IQCH: variants seen among roughly 807,000 people sequenced by gnomAD.
IQCH encodes IQ domain-containing protein H.
In IQCH, 98 loss-of-function variants were observed where a neutral mutation model predicts 117.0. That is an observed-to-expected ratio of 0.84 (90% CI 0.71 to 0.99). The LOEUF (loss-of-function observed/expected upper bound fraction) is 0.99. Ranked by LOEUF, IQCH falls within the 50% of genes least tolerant of loss-of-function variation. The pLI, the probability that IQCH is intolerant of heterozygous loss-of-function variation, is 0.00. For missense variants in IQCH, 1,102 were observed against 1,243.8 expected, an observed-to-expected ratio of 0.89 and a Z score of 1.72; for synonymous variants, 412 against 448.2, an observed-to-expected ratio of 0.92 and a Z score of 1.02.
intron 4 of IQCH, among the ~76,000 whole-genome samples, chr15:67,300,017 C>A (rs1966945163): frequency 6.6e-6 from 1 of 152,092 alleles, no homozygotes; most frequent in Admixed American, 6.6e-5. Flanking sequence ...TTAGGAATTA[C>A]AAAGTAGTGA....
chr15:67,343,744 C>T (rs1235572486), intron 5 of IQCH, among the ~76,000 whole-genome samples: 1 of 152,068 alleles, frequency 6.6e-6, no homozygotes, highest in Non-Finnish European at 1.5e-5. Context: ...AATAATATTA[C>T]CAATGATTGA....
At chr15:67,281,384 A>G (rs576622580) in intron 4 of IQCH, among the ~76,000 whole-genome samples, 4 of 152,318 alleles carry the variant, frequency 2.6e-5, no homozygotes, top group African/African-American at 9.6e-5. Flanking sequence ...CAACATCCTA[A>G]TAAGTTACAG....
At position 67,491,656 on chromosome 15, in the gene IQCH, A is replaced by C. The variant is rs754991933; in HGVS notation, c.2861+1592A>C. Among the ~76,000 whole-genome samples the C allele has an allele frequency of 1.3e-5, 2 of 152,114 alleles. No individual in the cohort carries two copies. Among genetic ancestry groups the C allele is most frequent in the Non-Finnish European group, 2.9e-5 (2 of 67,994 alleles). ...CAGAAATGAGACCTCAATCCATAAC[A>C]TCCCAACAAGCTTGCCTTCATCTTC... On this transcript the variant is annotated intron_variant, in intron 19 of 20. Transcript: ENST00000335894. This position sits in a 1 kb window ranked among gnomAD's most constrained non-coding sequence, Gnocchi z 4.9.
In IQCH at chr15:67,500,365, A is replaced by T. The variant is rs1235342490; in HGVS notation, c.2971-268A>T. ...ATTACTAGAAAAATACGATTAAAAA[A>T]ATTAAAGATGTACAATTTAGAAGCC... On this transcript the variant is annotated intron_variant, in intron 20 of 20. Transcript: ENST00000335894. This position sits in a 1 kb window ranked among gnomAD's most constrained non-coding sequence, Gnocchi z 4.4. Among the ~76,000 whole-genome samples, 1 of 152,212 alleles carries T rather than the reference A, an allele frequency of 6.6e-6. No homozygotes were observed. The highest frequency in any genetic ancestry group is 1.5e-5 in the Non-Finnish European group (1 of 68,026).
Position 67,425,222 on chromosome 15 carries a change from T to C in IQCH, c.2505+3645T>C, listed in dbSNP as rs1035633143. Among the ~76,000 whole-genome samples, 1 of 152,254 alleles carries C rather than the reference T, an allele frequency of 6.6e-6. No individual in the cohort carries two copies. The highest frequency in any genetic ancestry group is 1.5e-5 in the Non-Finnish European group (1 of 68,044). On this transcript the variant is annotated intron_variant, in intron 16 of 20. Transcript: ENST00000335894. This position sits in a 1 kb window ranked among gnomAD's most constrained non-coding sequence, Gnocchi z 5.5. ...TTTGTATATTGGAAACTGTCATTCT[T>C]TGACTATTATACATCTTGTAAATAC...
rs2083083409 is a variant in IQCH at position 67,472,046 on chromosome 15, G to A, written c.2677-3650G>A. On this transcript the variant is annotated intron_variant, in intron 17 of 20. Transcript: ENST00000335894. This position sits in a 1 kb window ranked among gnomAD's most constrained non-coding sequence, Gnocchi z 4.3. ...CTATTAAAATAGATAACATACACAT[G>A]GATAAATGCCATTTGAGTGACAGAC... 6.6e-6 allele frequency among the ~76,000 whole-genome samples: 1 copy of A among 152,200 alleles called. No homozygotes were observed.
At chr15:67,259,352 T>G (rs1965362953) in intron 1 of IQCH, among the ~76,000 whole-genome samples, 1 of 152,218 alleles carries the variant, frequency 6.6e-6, no homozygotes, top group Non-Finnish European at 1.5e-5. Flanking sequence ...TTTTCATACA[T>G]ATTACCTCAT....
rs1468687278 is a variant in IQCH, at chr15:67,490,667, G to A, written c.2861+603G>A. ...ATCTCACTGATGGGGACCCAGCTCA[G>A]TTGTCCTGCCTGTGGAAGGCAGTTG... On this transcript the variant is annotated intron_variant, in intron 19 of 20. Transcript: ENST00000335894. The surrounding 1 kb of genome is among the most constrained non-coding windows in gnomAD (Gnocchi z 4.9). Among the ~76,000 whole-genome samples the A allele has an allele frequency of 6.6e-6, 1 of 152,206 alleles. No homozygotes were observed.
intron 18 of IQCH, among the ~76,000 whole-genome samples, chr15:67,485,505 T>C (rs2083449197): frequency 6.6e-6 from 1 of 152,208 alleles, no homozygotes; most frequent in Admixed American, 6.5e-5. Flanking sequence ...AAATACTGGC[T>C]GAGAATTTCC....
At chr15:67,279,114 A>C (rs1344539343) in intron 3 of IQCH, among the ~76,000 whole-genome samples, 1 of 152,222 alleles carries the variant, frequency 6.6e-6, no homozygotes, top group Admixed American at 6.5e-5. Flanking sequence ...TTTATAGTGC[A>C]ATAATTCTGT....
At chr15:67,272,802 T>C (rs1461031092) in intron 3 of IQCH, among the ~76,000 whole-genome samples, 5 of 152,226 alleles carry the variant, frequency 3.3e-5, no homozygotes, top group African/African-American at 1.2e-4. Context: ...TCAGTCTGTG[T>C]CTTTATAGCT....
rs181452550 is a variant in IQCH at position 67,304,132 on chromosome 15, C to T, written c.387+24620C>T. Among the ~76,000 whole-genome samples, 797 of 150,324 alleles carry T rather than the reference C, an allele frequency of 5.3e-3. 4 individuals are homozygous for T. The highest frequency in any genetic ancestry group is 6.0e-3 in the Non-Finnish European group (406 of 67,344). The stretch of plus-strand genomic sequence containing the variant: ...GTATTTGTGGGAGCAATGGGATACA[C>T]GGAGGAAAATCTACACAAAGTTCCT... On this transcript the variant is annotated intron_variant, in intron 4 of 20. Coordinates refer to ENST00000335894, the MANE Select transcript of IQCH (RefSeq NM_001031715.3).
chr15:67,471,642 C>G (rs2083073838), intron 17 of IQCH, among the ~76,000 whole-genome samples: 1 of 152,192 alleles, frequency 6.6e-6, no homozygotes, highest in Non-Finnish European at 1.5e-5. Flanking sequence ...AAATAATTGA[C>G]CTTATCTTTG....
intron 8 of IQCH, among the ~76,000 whole-genome samples, chr15:67,361,961 T>G (rs1476727466): frequency 6.6e-6 from 1 of 152,150 alleles, no homozygotes; most frequent in South Asian, 2.1e-4. Flanking sequence ...TAATTAATAT[T>G]TTGATAATAA....
intron 1 of IQCH, among the ~76,000 whole-genome samples, chr15:67,256,272 C>T (rs1333681867): frequency 6.6e-6 from 1 of 152,180 alleles, no homozygotes; most frequent in African/African-American, 2.4e-5. Context: ...ACCTGCATTA[C>T]TTCCTCCCAG....
At chr15:67,262,264 C>T (rs1596052103) in intron 2 of IQCH, among the ~76,000 whole-genome samples, 1 of 152,162 alleles carries the variant, frequency 6.6e-6, no homozygotes, top group African/African-American at 2.4e-5. Flanking sequence ...GATCTAAGGT[C>T]GGGGAGAATC....
intron 13 of IQCH, among the ~76,000 whole-genome samples, chr15:67,398,407 C>T (rs973654929): frequency 7.2e-5 from 11 of 152,154 alleles, no homozygotes; most frequent in Non-Finnish European, 1.3e-4. Context: ...CTGTGTTCAT[C>T]ACCATATGGT....
intron 7 of IQCH, among the ~76,000 whole-genome samples, chr15:67,358,517 T>C (rs1027683095): frequency 6.6e-6 from 1 of 152,106 alleles, no homozygotes; most frequent in Admixed American, 6.6e-5. Flanking sequence ...TCTTTAACAT[T>C]AACTCCTCAC....
chr15:67,417,097 C>A lies in IQCH; in HGVS notation c.2218+46C>A. On this transcript the variant is annotated intron_variant, in intron 15 of 20. Coordinates refer to ENST00000335894, the MANE Select transcript of IQCH (RefSeq NM_001031715.3). This position sits in a 1 kb window ranked among gnomAD's most constrained non-coding sequence, Gnocchi z 4.3. ...TCTATTGAGGATTAGTCTACACAAC[C>A]TTGGATTCTAGTTTTGGGTCAACTG... 1 of 1,506,568 alleles carries A rather than the reference C, an allele frequency of 6.6e-7. No homozygotes were observed. The highest frequency in any genetic ancestry group is 8.9e-7 in the Non-Finnish European group (1 of 1,122,906). 93.3% of individuals were successfully genotyped at this position (1,506,568 alleles called of 1,614,324 possible).
Sources: allele counts gnomAD v4.1 joint callset (sites outside exome capture counted in the v4.1 genomes callset), GRCh38; gene constraint gnomAD v4.1.1; non-coding constraint Gnocchi (gnomAD v3.1); transcripts MANE v1.5; gene names NCBI Gene and HGNC (gene_info 2026-07-23, HGNC 2026-07-21).